Variants in TGFB2 observed in about 807,000 individuals in gnomAD.
The protein encoded by TGFB2 is transforming growth factor beta-2 proprotein.
A neutral mutation model predicts 42.7 loss-of-function variants in TGFB2; 13 were observed. The observed-to-expected ratio is 0.30, with a 90% CI of 0.20 to 0.48. The LOEUF is 0.48. Ranked by LOEUF, TGFB2 falls within the 20% of genes least tolerant of loss-of-function variation. TGFB2 has a pLI of 0.99. For missense variants in TGFB2, 390 were observed against 517.5 expected, an observed-to-expected ratio of 0.75 and a Z score of 2.39; for synonymous variants, 193 against 193.6, an observed-to-expected ratio of 1.00 and a Z score of 0.03.
intron 1 of TGFB2, among the ~76,000 whole-genome samples, chr1:218,383,013 A>G (rs921809091): frequency 6.6e-5 from 10 of 152,240 alleles, no homozygotes; most frequent in African/African-American, 2.4e-4. Context: ...ACACTAGCCT[A>G]CTGTAAATTC....
intron 2 of TGFB2, among the ~76,000 whole-genome samples, chr1:218,408,689 C>T (rs1658995306): frequency 6.6e-6 from 1 of 151,958 alleles, no homozygotes. Context: ...ACTAGTTTGA[C>T]TATCTGTAGG....
intron 2 of TGFB2, among the ~76,000 whole-genome samples, chr1:218,430,394 C>CAA (rs1003330032): frequency 1.6e-5 from 2 of 128,008 alleles, no homozygotes; most frequent in Non-Finnish European, 3.4e-5. Flanking sequence ...GACCCTGTCT[C>CAA]AAAAAAAAAA....
chr1:218,408,808 G>A (rs991532564), intron 2 of TGFB2, among the ~76,000 whole-genome samples: 7 of 152,134 alleles, frequency 4.6e-5, no homozygotes, highest in African/African-American at 1.4e-4. Context: ...TTTGGCACCA[G>A]GGACCAGTTT....
At chr1:218,363,521 C>A in intron 1 of TGFB2, 1 of 1,161,098 alleles carries the variant, frequency 8.6e-7, no homozygotes, top group South Asian at 1.3e-5. Flanking sequence ...AGATGAGATT[C>A]TGAAATGCAG....
intron 1 of TGFB2, among the ~76,000 whole-genome samples, chr1:218,366,764 CT>C (rs1657400827): frequency 6.6e-6 from 1 of 152,194 alleles, no homozygotes; most frequent in Non-Finnish European, 1.5e-5. Context: ...GCAGGTGCTT[CT>C]GACGTCACTA....
At chr1:218,426,960 C>T (rs1432928956) in intron 2 of TGFB2, among the ~76,000 whole-genome samples, 1 of 152,138 alleles carries the variant, frequency 6.6e-6, no homozygotes, top group East Asian at 1.9e-4. Context: ...GCATCATCTA[C>T]AATTTCTATT....
At chr1:218,383,711 A>C (rs1420479166) in intron 1 of TGFB2, among the ~76,000 whole-genome samples, 1 of 152,250 alleles carries the variant, frequency 6.6e-6, no homozygotes, top group South Asian at 2.1e-4. Context: ...TACGTGGCGA[A>C]GGACTTGCGA....
At chr1:218,369,253 T>A (rs1657490042) in intron 1 of TGFB2, among the ~76,000 whole-genome samples, 1 of 58,706 alleles carries the variant, frequency 1.7e-5, no homozygotes, top group Non-Finnish European at 2.9e-5. Context: ...AGATTCCGTC[T>A]CAGAAAAAAA....
intron 2 of TGFB2, among the ~76,000 whole-genome samples, chr1:218,420,232 C>T (rs932219308): frequency 2.0e-5 from 3 of 152,212 alleles, no homozygotes; most frequent in Non-Finnish European, 4.4e-5. Context: ...CTGTGTGGTA[C>T]AGCCTCAAAG....
chr1:218,348,264 C>T (rs1037265455), intron 1 of TGFB2, among the ~76,000 whole-genome samples: 2 of 152,092 alleles, frequency 1.3e-5, no homozygotes, highest in Non-Finnish European at 2.9e-5. Context: ...CTTTCCATGC[C>T]CTGTATACTT....
chr1:218,423,198 T>G (rs1659512492), intron 2 of TGFB2, among the ~76,000 whole-genome samples: 1 of 152,186 alleles, frequency 6.6e-6, no homozygotes, highest in Non-Finnish European at 1.5e-5. Context: ...AGAGTCAGAT[T>G]TCTCCAAAAT....
At chr1:218,381,888 G>A (rs904337272) in intron 1 of TGFB2, among the ~76,000 whole-genome samples, 1 of 152,186 alleles carries the variant, frequency 6.6e-6, no homozygotes, top group South Asian at 2.1e-4. Flanking sequence ...GGCAGTTGTA[G>A]GCTGGAGCAG....
At chr1:218,424,758 C>CA (rs1408306317) in intron 2 of TGFB2, among the ~76,000 whole-genome samples, 3 of 152,134 alleles carry the variant, frequency 2.0e-5, no homozygotes, top group South Asian at 4.1e-4. Flanking sequence ...TTTTATTTTA[C>CA]AAAAAAATTT....
In TGFB2 at chr1:218,430,250, C is replaced by T. The variant is rs371725973; in HGVS notation, c.511-3832C>T. ...TCTACTAAAAATATAAAAAATTAGC[C>T]GGGCATGGGTGGCGCACACCTGTAG... On this transcript the variant is annotated intron_variant, in intron 2 of 6. Transcript: ENST00000366930. 8.9e-4 allele frequency among the ~76,000 whole-genome samples: 135 copies of T among 151,974 alleles called. 1 individual carries two copies. The South Asian group carries it at 0.013, about 14-fold the overall frequency.
chr1:218,384,925 T>C (rs1658083209), intron 1 of TGFB2, among the ~76,000 whole-genome samples: 1 of 152,190 alleles, frequency 6.6e-6, no homozygotes, highest in South Asian at 2.1e-4. Flanking sequence ...CCAGAGCACA[T>C]TGCAGCCTGT....
At position 218,435,997 on chromosome 1, in the gene TGFB2, G is replaced by A. The variant is rs191509998; in HGVS notation, c.782G>A (p.Ser261Asn). The change falls in exon 5 of 7, where the codon AGT (serine) becomes AAT (asparagine). Residue 261 changes from serine to asparagine, a missense_variant. Coordinates refer to ENST00000366930, the MANE Select transcript of TGFB2 (RefSeq NM_003238.6). ...ATTGATGGCACCTCCACATATACCA[G>A]TGGTGATCAGAAAACTATAAAGTCC... ...AGIDGTSTYT[S>N]GDQKTIKSTR... 7 of 1,613,664 alleles carry A rather than the reference G, an allele frequency of 4.3e-6. No homozygotes were observed. The Admixed American group carries it at 1.2e-4, about 27-fold the overall frequency.
intron 2 of TGFB2, among the ~76,000 whole-genome samples, chr1:218,424,465 G>T (rs779162113): frequency 6.6e-6 from 1 of 152,212 alleles, no homozygotes; most frequent in Non-Finnish European, 1.5e-5. Context: ...TCCCTGGTTA[G>T]CAGCTTCTAC....
At chr1:218,429,731 C>G (rs1005107854) in intron 2 of TGFB2, among the ~76,000 whole-genome samples, 28 of 152,184 alleles carry the variant, frequency 1.8e-4, no homozygotes, top group African/African-American at 6.5e-4. Context: ...CTTTCCAAGA[C>G]AGTCAACTGG....
intron 1 of TGFB2, among the ~76,000 whole-genome samples, chr1:218,402,362 A>G (rs559044362): frequency 6.6e-6 from 1 of 152,350 alleles, no homozygotes; most frequent in East Asian, 1.9e-4. Flanking sequence ...CCAGCTGAAC[A>G]ACTGTACTTA....
Sources: gnomAD v4.1 joint callset for allele counts (sites outside exome capture counted in the v4.1 genomes callset) on GRCh38, gnomAD v4.1.1 for gene constraint, MANE v1.5 for transcripts, NCBI Gene and HGNC (gene_info 2026-07-23, HGNC 2026-07-21) for gene names.